CNTNAP2: variants seen among roughly 807,000 people sequenced by gnomAD.
CNTNAP2 encodes contactin associated protein 2, also known as contactin-associated protein-like 2.
CNTNAP2 carries 98 observed loss-of-function variants against 155.2 expected under a neutral mutation model. The observed-to-expected ratio is 0.63, with a 90% confidence interval of 0.54 to 0.75. CNTNAP2 has a LOEUF of 0.75. CNTNAP2 is among the 30% of genes least tolerant of loss of function. The pLI, the probability that CNTNAP2 is intolerant of heterozygous loss-of-function variation, is 0.00. For synonymous variants in CNTNAP2, 651 were observed against 631.2 expected (o/e 1.03, Z -0.47); for missense variants, 1,727 against 1,688.1 (o/e 1.02, Z -0.40).
rs376744436 is a variant in CNTNAP2, at chr7:147,639,263, T to C, written c.2055T>C (p.Tyr685=). 6.2e-6 allele frequency: 10 copies of C among 1,613,972 alleles called. No individual in the cohort carries two copies. The highest frequency in any genetic ancestry group is 7.6e-6 in the Non-Finnish European group (9 of 1,180,006). Residue 685 remains tyrosine (Y), a synonymous_variant, in exon 13 of 24, where the codon TAT becomes TAC. Coordinates refer to ENST00000361727, the MANE Select transcript of CNTNAP2 (RefSeq NM_014141.6). The stretch of plus-strand genomic sequence containing the variant: ...ACAGTGCCGAGTACTGCGAGCAGTA[T>C]GTCTCCTATTTCTGCAAGATGTCAA... ...ITDSAEYCEQ[Y]VSYFCKMSRL... is the part of the protein sequence containing the mutation.
chr7:147,453,289 T>A (rs1797863901), intron 10 of CNTNAP2, among the ~76,000 whole-genome samples: 1 of 152,158 alleles, frequency 6.6e-6, no homozygotes, highest in Admixed American at 6.5e-5. Context: ...TCCAGGTGCT[T>A]CAGGAAGAAT....
chr7:146,992,812 C>T (rs569322003), intron 3 of CNTNAP2, among the ~76,000 whole-genome samples: 7 of 152,206 alleles, frequency 4.6e-5, no homozygotes, highest in Non-Finnish European at 7.4e-5. Flanking sequence ...CTTGCTAGGA[C>T]TTTGCTCTCT....
intron 1 of CNTNAP2, among the ~76,000 whole-genome samples, chr7:146,408,172 T>C (rs1795819119): frequency 6.6e-6 from 1 of 152,086 alleles, no homozygotes; most frequent in African/African-American, 2.4e-5. Flanking sequence ...TCTTCTAAAA[T>C]AGATGAATAA....
intron 15 of CNTNAP2, among the ~76,000 whole-genome samples, chr7:148,018,545 A>C (rs73466190): frequency 0.066 from 10,032 of 152,278 alleles, 741 homozygotes; most frequent in African/African-American, 0.19. Flanking sequence ...ATGGAAAAGG[A>C]GAAGGCATGA....
At chr7:147,315,559 G>T (rs556625262) in intron 9 of CNTNAP2, among the ~76,000 whole-genome samples, 107 of 144,750 alleles carry the variant, frequency 7.4e-4, no homozygotes, top group African/African-American at 2.6e-3. Context: ...TCGGCTCACT[G>T]CAAGCTCCGC....
intron 8 of CNTNAP2, chr7:147,162,040 A>G (rs1802036796): frequency 6.6e-6 from 1 of 152,160 alleles, no homozygotes; most frequent in Non-Finnish European, 1.5e-5. Flanking sequence ...ATCAACAACA[A>G]AAACCATACC....
intron 1 of CNTNAP2, among the ~76,000 whole-genome samples, chr7:146,123,918 C>T (rs1797598688): frequency 6.6e-6 from 1 of 152,040 alleles, no homozygotes. Context: ...ACTATGCAGC[C>T]ATAAAAAAGG....
rs994508015 is a variant in CNTNAP2, at chr7:147,132,481, C to T, written c.1320C>T (p.Thr440=). 6.2e-7 allele frequency: 1 copy of T among 1,613,558 alleles called. No individual in the cohort carries two copies. The highest frequency in any genetic ancestry group is 8.5e-7 in the Non-Finnish European group (1 of 1,179,674). The change falls in exon 8 of 24, where the codon ACC becomes ACT. Residue 440 remains threonine (T), a synonymous_variant. Transcript: ENST00000361727. ...GTGTTCACATCAACATCACACAGAC[C>T]AAGATGAGCCAAATCGATATTTCCT... ...KVGVHINITQ[T]KMSQIDISSG...
At chr7:147,555,229 G>A (rs1226654451) in intron 11 of CNTNAP2, among the ~76,000 whole-genome samples, 1 of 152,112 alleles carries the variant, frequency 6.6e-6, no homozygotes, top group Non-Finnish European at 1.5e-5. Flanking sequence ...GTTAAAAAGG[G>A]AGCAGAATAA....
chr7:147,165,401 G>C (rs1296911216), intron 8 of CNTNAP2, among the ~76,000 whole-genome samples: 1 of 151,954 alleles, frequency 6.6e-6, no homozygotes, highest in African/African-American at 2.4e-5. Context: ...CTGGATATTA[G>C]TCCTTTGTCA....
At chr7:146,945,054 A>T (rs1262698752) in intron 3 of CNTNAP2, among the ~76,000 whole-genome samples, 2 of 152,196 alleles carry the variant, frequency 1.3e-5, no homozygotes, top group Non-Finnish European at 2.9e-5. Context: ...AGTGCACGTG[A>T]TAATAAACAT....
intron 1 of CNTNAP2, among the ~76,000 whole-genome samples, chr7:146,545,409 G>A (rs1332894684): frequency 6.6e-6 from 1 of 151,512 alleles, no homozygotes; most frequent in Non-Finnish European, 1.5e-5. Flanking sequence ...TGTTACATAG[G>A]TATACACTTG....
intron 9 of CNTNAP2, among the ~76,000 whole-genome samples, chr7:147,344,718 T>C (rs10232663): frequency 6.6e-6 from 1 of 152,044 alleles, no homozygotes. Flanking sequence ...CTTGTCTTAG[T>C]TCTTTAAAGG....
At chr7:147,503,082 C>T (rs535133190) in intron 11 of CNTNAP2, among the ~76,000 whole-genome samples, 3 of 152,146 alleles carry the variant, frequency 2.0e-5, no homozygotes, top group Non-Finnish European at 2.9e-5. Flanking sequence ...AATTTATTCT[C>T]TCACAGATTT....
intron 3 of CNTNAP2, among the ~76,000 whole-genome samples, chr7:146,904,350 G>A (rs1796071891): frequency 6.6e-6 from 1 of 152,080 alleles, no homozygotes; most frequent in South Asian, 2.1e-4. Flanking sequence ...CCTGTACTCG[G>A]TCCCTGTAAT....
chr7:147,638,957 G>T, intron 12 of CNTNAP2, 149 bp from the exon 13 acceptor site: 1 of 809,156 alleles, frequency 1.2e-6, no homozygotes, highest in East Asian at 2.5e-5. Context: ...TGAGCAAAGA[G>T]CAGGGGGTTT....
At chr7:147,242,757 C>T (rs1235939825) in intron 8 of CNTNAP2, among the ~76,000 whole-genome samples, 1 of 152,032 alleles carries the variant, frequency 6.6e-6, no homozygotes, top group Non-Finnish European at 1.5e-5. Flanking sequence ...GAAGTCTCTG[C>T]ACATTTCTCT....
chr7:146,623,008 A>G (rs1799356491), intron 1 of CNTNAP2, among the ~76,000 whole-genome samples: 1 of 151,930 alleles, frequency 6.6e-6, no homozygotes, highest in African/African-American at 2.4e-5. Flanking sequence ...GTATCCTACC[A>G]TTGCCATCAA....
At position 148,052,917 on chromosome 7, in the gene CNTNAP2, C is replaced by G. The variant is rs535917076; in HGVS notation, c.2384-65201C>G. On this transcript the variant is annotated intron_variant, in intron 15 of 23. Coordinates refer to ENST00000361727, the MANE Select transcript of CNTNAP2 (RefSeq NM_014141.6). Reference sequence around the variant, plus strand: ...CAAAAATTAGCTGGGCATAGTGGCGCACGCCTGTAGTCCCAGCTACTCGGG... The same window carrying G: ...CAAAAATTAGCTGGGCATAGTGGCGGACGCCTGTAGTCCCAGCTACTCGGG... 1.7e-3 allele frequency among the ~76,000 whole-genome samples: 259 copies of G among 152,126 alleles called. 2 individuals are homozygous for G. The highest frequency in any genetic ancestry group is 3.1e-3 in the Non-Finnish European group (214 of 67,992).
Sources: allele counts gnomAD v4.1 joint callset (sites outside exome capture counted in the v4.1 genomes callset), GRCh38; gene constraint gnomAD v4.1.1; transcripts MANE v1.5; gene names NCBI Gene and HGNC (gene_info 2026-07-23, HGNC 2026-07-21).